The following CFL2 variants were observed in gnomAD, a reference collection of about 807,000 sequenced individuals.
CFL2 encodes the protein cofilin 2.
CFL2 carries 10 observed loss-of-function variants against 19.6 expected under a neutral mutation model. That is an observed-to-expected ratio of 0.51 (90% confidence interval 0.31 to 0.86). The LOEUF (loss-of-function observed/expected upper bound fraction) is 0.86. Ranked by LOEUF, CFL2 falls within the 40% of genes least tolerant of loss-of-function variation. The probability of loss-of-function intolerance (pLI) is 0.04; values close to 1 mark genes in which losing one functional copy is unlikely to be tolerated. For synonymous variants in CFL2, 63 were observed against 66.7 expected, an observed-to-expected ratio of 0.95 and a Z score of 0.27; for missense variants, 125 against 192.1, an observed-to-expected ratio of 0.65 and a Z score of 2.06.
Position 34,712,810 on chromosome 14 carries a change from A to T in CFL2, c.*55T>A, listed in dbSNP as rs772673889. On this transcript the variant is annotated 3_prime_UTR_variant, in exon 4 of 4. Coordinates refer to ENST00000298159, the MANE Select transcript of CFL2 (RefSeq NM_138638.5). ...CCAAAACCTAATACTATTCCAATGG[A>T]CTGAGCTGGAGAAATGGAAGCTCCT... is the stretch of plus-strand genomic sequence containing the variant. 2 of 981,118 alleles carry T rather than the reference A, an allele frequency of 2.0e-6. No homozygotes were observed. Among genetic ancestry groups the T allele is most frequent in the East Asian group, 4.8e-5 (2 of 42,008 alleles). 60.8% of individuals were successfully genotyped at this position (981,118 alleles called of 1,614,324 possible). A position where few individuals can be genotyped will look rare whatever the true frequency, so the allele number is the denominator to read the frequency against.
rs1160420308 is a variant in CFL2 at position 34,710,540 on chromosome 14, CT to C, written c.*2324del. On this transcript the variant is annotated 3_prime_UTR_variant, in exon 4 of 4. Coordinates refer to ENST00000298159, the MANE Select transcript of CFL2 (RefSeq NM_138638.5). Reference sequence around the variant, plus strand: ...TATTTTACTAATTAGCACCGTATACCTTTTAAAGCTAACTGGAACATTGATT... The same window carrying C: ...TATTTTACTAATTAGCACCGTATACCTTTAAAGCTAACTGGAACATTGATT... The C allele has an allele frequency of 2.3e-6, 1 of 434,354 alleles. No homozygotes were observed. Among genetic ancestry groups the C allele is most frequent in the Non-Finnish European group, 4.6e-6 (1 of 219,034 alleles). The allele number at this position is 434,354 out of a possible 1,614,324, so 26.9% of individuals were successfully genotyped here.
chr14:34,714,420 A>G (rs1885424624), intron 1 of CFL2, 118 bp downstream of exon 1: 16 of 1,429,360 alleles, frequency 1.1e-5, no homozygotes, highest in South Asian at 1.4e-5. Flanking sequence ...GGAGCCGCAG[A>G]GCAGAAGCGC....
chr14:34,710,860 G>C lies in CFL2; in HGVS notation c.*2005C>G. The stretch of plus-strand genomic sequence containing the variant: ...ATTTATAGTCCCTTATTTTTTAAAA[G>C]AATGAGGAAATAACTCAATGAAAAA... On this transcript the variant is annotated 3_prime_UTR_variant, in exon 4 of 4. Transcript: ENST00000298159. 2.2e-6 allele frequency: 1 copy of C among 453,946 alleles called. No homozygotes were observed. The highest frequency in any genetic ancestry group is 4.4e-6 in the Non-Finnish European group (1 of 226,740). 28.1% of individuals were successfully genotyped at this position (453,946 alleles called of 1,614,324 possible).
At position 34,712,142 on chromosome 14, in the gene CFL2, T is replaced by C. The variant is rs911719244; in HGVS notation, c.*723A>G. The C allele has an allele frequency of 6.6e-6, 3 of 454,452 alleles. No individual in the cohort carries two copies. Among genetic ancestry groups the C allele is most frequent in the East Asian group, 6.9e-5 (1 of 14,408 alleles). The allele number at this position is 454,452 out of a possible 1,614,324, so 28.2% of individuals were successfully genotyped here. ...TCATGACTGATATTCAAAATATCTTTAGTGTTGCAGGACTCACATGGTAAA... is the reference window on the plus strand; with the variant it reads ...TCATGACTGATATTCAAAATATCTTCAGTGTTGCAGGACTCACATGGTAAA... On this transcript the variant is annotated 3_prime_UTR_variant, in exon 4 of 4. Coordinates refer to ENST00000298159, the MANE Select transcript of CFL2 (RefSeq NM_138638.5).
Position 34,711,624 on chromosome 14 carries a change from C to T in CFL2, c.*1241G>A, listed in dbSNP as rs1885296921. The T allele has an allele frequency of 2.2e-6, 1 of 452,006 alleles. No homozygotes were observed. The highest frequency in any genetic ancestry group is 4.4e-6 in the Non-Finnish European group (1 of 225,810). 28.0% of individuals were successfully genotyped at this position (452,006 alleles called of 1,614,324 possible). A position where few individuals can be genotyped will look rare whatever the true frequency, so the allele number is the denominator to read the frequency against. Reference sequence around the variant, plus strand: ...CCAAATAAGCAATAAGAGCTTCCTGCTTCTACTATACAACTACTTAGAAAT... The same window carrying T: ...CCAAATAAGCAATAAGAGCTTCCTGTTTCTACTATACAACTACTTAGAAAT... On this transcript the variant is annotated 3_prime_UTR_variant, in exon 4 of 4. Coordinates refer to ENST00000298159, the MANE Select transcript of CFL2 (RefSeq NM_138638.5).
In CFL2 at chr14:34,712,885, G is replaced by A. The variant is rs751399023; in HGVS notation, c.481C>T (p.Leu161Phe). The A allele has an allele frequency of 5.0e-6, 8 of 1,584,918 alleles. No individual in the cohort carries two copies. Among genetic ancestry groups the A allele is most frequent in the African/African-American group, 1.3e-5 (1 of 74,298 alleles). The change falls in exon 4 of 4, where the codon CTT (leucine) becomes TTT (phenylalanine). Residue 161 changes from leucine (L) to phenylalanine (F), a missense_variant. By Grantham distance (22) the Leu-to-Phe change is conservative. Coordinates refer to ENST00000298159, the MANE Select transcript of CFL2 (RefSeq NM_138638.5). ...TCATTTTATAATGGTTTTCCTTCAA[G>A]TGAAACTACTACATTGCCTCCCAAT... The part of the protein sequence containing the change: ...EKLGGNVVVS[L>F]EGKPL
Position 34,713,676 on chromosome 14 carries a change from T to G in CFL2, c.4-115A>C, listed in dbSNP as rs533833167. 13 of 1,613,100 alleles carry G rather than the reference T, an allele frequency of 8.1e-6. No individual in the cohort carries two copies. The highest frequency in any genetic ancestry group is 6.6e-5 in the South Asian group (6 of 91,038). On this transcript the variant is annotated intron_variant, in intron 1 of 3. Transcript: ENST00000298159. ...GGACATCAAAAATTGCACCGTACCA[T>G]GTAAGTCGTCCAATCAGATTTGTCA...
chr14:34,713,013 T>C lies in CFL2; in HGVS notation c.389-36A>G, dbSNP rs767422749. The C allele has an allele frequency of 4.6e-6, 7 of 1,523,628 alleles. No individual in the cohort carries two copies. In the African/African-American group the frequency reaches 5.6e-5, roughly 12 times the overall value. 94.4% of individuals were successfully genotyped at this position (1,523,628 alleles called of 1,614,324 possible). On this transcript the variant is annotated intron_variant, in intron 3 of 3. Coordinates refer to ENST00000298159, the MANE Select transcript of CFL2 (RefSeq NM_138638.5). ...AAAACATTATCCTATTACTTTATTA[T>C]AATTAATAAAGAATAATTTCTCTGC...
Position 34,713,360 on chromosome 14 carries a change from T to TC in CFL2, c.204_205insG (p.Thr69AspfsTer11). The TC allele has an allele frequency of 1.2e-6, 2 of 1,614,092 alleles. No individual in the cohort carries two copies. The highest frequency in any genetic ancestry group is 1.7e-6 in the Non-Finnish European group (2 of 1,179,950). On this transcript the variant is annotated frameshift_variant, in exon 2 of 4. Transcript: ENST00000298159. LOFTEE classifies it high-confidence loss of function. ...AGAGGTAGCAACTTCACAAAAGATG[T>TC]GTAGGGGTCCTCTACAGTATCACCA...
In CFL2 at chr14:34,709,432, T is replaced by C. The variant is rs1392222749; in HGVS notation, c.*3433A>G. 1 of 152,044 alleles carries C rather than the reference T, an allele frequency of 6.6e-6. No homozygotes were observed. Among genetic ancestry groups the C allele is most frequent in the Non-Finnish European group, 1.5e-5 (1 of 68,006 alleles). 9.4% of individuals were successfully genotyped at this position (152,044 alleles called of 1,614,324 possible). On this transcript the variant is annotated 3_prime_UTR_variant, in exon 4 of 4. Transcript: ENST00000298159. ...AAAAGAAAAGCCTCAGACTTCTTTATGGGCTGAAAGGAGACAGAACATCCA... is the reference window on the plus strand; with the variant it reads ...AAAAGAAAAGCCTCAGACTTCTTTACGGGCTGAAAGGAGACAGAACATCCA...
In CFL2 at chr14:34,714,531, G is replaced by A. The variant is rs369681050; in HGVS notation, c.3+7C>T. ...CCGCGGCCTCCCGGCCAGCGCGCTC[G>A]TCTTACCATAGTGCCCTCGGCTGTG... On this transcript the variant is annotated splice_region_variant and intron_variant, in intron 1 of 3. Transcript: ENST00000298159. The A allele has an allele frequency of 1.3e-5, 20 of 1,586,204 alleles. No homozygotes were observed. The highest frequency in any genetic ancestry group is 1.5e-5 in the Non-Finnish European group (17 of 1,169,566).
Sources: gnomAD v4.1 joint callset for allele counts on GRCh38, gnomAD v4.1.1 for gene constraint, MANE v1.5 for transcripts, NCBI Gene and HGNC (gene_info 2026-07-23, HGNC 2026-07-21) for gene names.